TRPC1: variants seen among roughly 807,000 people sequenced by gnomAD.
The protein encoded by TRPC1 is transient receptor potential cation channel subfamily C member 1.
TRPC1 carries 42 observed loss-of-function variants against 88.2 expected under a neutral mutation model. The observed-to-expected ratio is 0.48, with a 90% CI of 0.37 to 0.62. The LOEUF (loss-of-function observed/expected upper bound fraction) is 0.62. Among genes scored for constraint, TRPC1 ranks in the 20% least tolerant of loss-of-function variants. The probability of loss-of-function intolerance (pLI) is 0.00; values close to 1 mark genes in which losing one functional copy is unlikely to be tolerated. For missense variants in TRPC1, 699 were observed against 957.3 expected (o/e 0.73, Z 3.56); for synonymous variants, 288 against 331.8 (o/e 0.87, Z 1.43).
intron 2 of TRPC1, 109 bp downstream of exon 2, chr3:142,736,642 T>G (rs1295711480): frequency 3.0e-6 from 3 of 1,014,122 alleles, no homozygotes; most frequent in Admixed American, 5.7e-5. Flanking sequence ...TCTTCCTTTC[T>G]TTTTCTTTCT....
chr3:142,781,641 A>G (rs1015982216), intron 6 of TRPC1, among the ~76,000 whole-genome samples: 1 of 152,220 alleles, frequency 6.6e-6, no homozygotes, highest in East Asian at 1.9e-4. Context: ...CTCCCCATGC[A>G]TACATATACA....
chr3:142,734,966 G>A (rs778162776), intron 1 of TRPC1, among the ~76,000 whole-genome samples: 148 of 152,256 alleles, frequency 9.7e-4, no homozygotes, highest in Non-Finnish European at 1.7e-3. Context: ...CAGTAATAGC[G>A]ATAAATTTTC....
At chr3:142,774,399 G>C (rs1440806902) in intron 4 of TRPC1, among the ~76,000 whole-genome samples, 1 of 152,182 alleles carries the variant, frequency 6.6e-6, no homozygotes, top group Non-Finnish European at 1.5e-5. Flanking sequence ...TGCAACCTCA[G>C]TCTTGCAAAA....
intron 1 of TRPC1, among the ~76,000 whole-genome samples, chr3:142,731,374 ATTTTTTTTTTTTTTTTTT>A (rs59613066): frequency 1.3e-5 from 1 of 79,524 alleles, no homozygotes; most frequent in African/African-American, 5.1e-5. Flanking sequence ...ATATGTTTTG[ATTTTTTTTTTTTTTTTTT>A]TTTTTTTTTT....
At chr3:142,775,551 G>A (rs974011684) in intron 4 of TRPC1, among the ~76,000 whole-genome samples, 2 of 152,098 alleles carry the variant, frequency 1.3e-5, no homozygotes, top group Admixed American at 6.5e-5. Flanking sequence ...CCCAGGAGGC[G>A]GAGGCTGCAG....
At position 142,806,139 on chromosome 3, in the gene TRPC1, C is replaced by G. The variant is rs200832557; in HGVS notation, c.2286C>G (p.Asn762Lys). The G allele has an allele frequency of 3.1e-6, 5 of 1,613,740 alleles. No individual in the cohort carries two copies. In the Admixed American group the frequency reaches 8.3e-5, roughly 27 times the overall value. Residue 762 changes from asparagine (N) to lysine (K), a missense_variant, in exon 13 of 13, where the codon AAC becomes AAG. Physicochemically the swap from Asn to Lys is moderately conservative, Grantham distance 94. This residue lies in a region of TRPC1 where 105 missense variants were observed against 141.7 expected (regional missense o/e 0.74). Transcript: ENST00000476941. ...STDQATVENL[N>K]ELRQDLSKFR... ...ATCAGGCAACTGTGGAAAATCTAAACGAACTGCGCCAAGATCTGTCAAAAT... is the reference window on the plus strand; with the variant it reads ...ATCAGGCAACTGTGGAAAATCTAAAGGAACTGCGCCAAGATCTGTCAAAAT...
rs1934150238 is a variant in TRPC1 at position 142,736,659 on chromosome 3, C to G, written c.327+126C>G. The G allele has an allele frequency of 4.6e-6, 4 of 876,256 alleles. No individual in the cohort carries two copies. The African/African-American group carries it at 5.2e-5, about 11-fold the overall frequency. 54.3% of individuals were successfully genotyped at this position (876,256 alleles called of 1,614,324 possible). ...TTCCTTTCTTTTTCTTTCTTTGTCT[C>G]TCTTACTCTCCTTCTGTCTTTCATC... On this transcript the variant is annotated intron_variant, in intron 2 of 12. Coordinates refer to ENST00000476941, the MANE Select transcript of TRPC1 (RefSeq NM_001251845.2).
At chr3:142,733,117 G>C (rs60464584) in intron 1 of TRPC1, among the ~76,000 whole-genome samples, 40 of 144,210 alleles carry the variant, frequency 2.8e-4, no homozygotes, top group African/African-American at 7.7e-4. Flanking sequence ...TAGCAGGGTG[G>C]AACCTTTTAT....
intron 3 of TRPC1, among the ~76,000 whole-genome samples, chr3:142,746,730 T>C (rs1299624759): frequency 6.6e-6 from 1 of 152,158 alleles, no homozygotes; most frequent in Non-Finnish European, 1.5e-5. Flanking sequence ...TAATATAAAC[T>C]ATTAAAAGGA....
Position 142,736,347 on chromosome 3 carries a change from A to C in TRPC1, c.173-32A>C, listed in dbSNP as rs777177345. On this transcript the variant is annotated intron_variant, in intron 1 of 12. Transcript: ENST00000476941. ...GTCATCCTTACTTGATATGTCACGG[A>C]TATTAAATTATGTTTGTATATTGTT... 4 of 1,499,640 alleles carry C rather than the reference A, an allele frequency of 2.7e-6. No individual in the cohort carries two copies. In the South Asian group the frequency reaches 4.1e-5, roughly 15 times the overall value. The allele number at this position is 1,499,640 out of a possible 1,614,324, so 92.9% of individuals were successfully genotyped here.
intron 4 of TRPC1, among the ~76,000 whole-genome samples, chr3:142,772,522 G>A (rs1426103495): frequency 3.9e-5 from 6 of 152,248 alleles, no homozygotes; most frequent in South Asian, 2.1e-4. Context: ...GTGGCTGGGC[G>A]CCGTGGCTCA....
At chr3:142,747,990 T>G (rs965391856) in intron 3 of TRPC1, among the ~76,000 whole-genome samples, 2 of 152,210 alleles carry the variant, frequency 1.3e-5, no homozygotes, top group Non-Finnish European at 2.9e-5. Context: ...CTAGATATTC[T>G]CACTTCTTTG....
At chr3:142,725,564 C>T (rs1315447414) in intron 1 of TRPC1, among the ~76,000 whole-genome samples, 1 of 152,132 alleles carries the variant, frequency 6.6e-6, no homozygotes, top group Non-Finnish European at 1.5e-5. Context: ...ACGCAATCAT[C>T]CTTTGTAGTG....
Position 142,792,798 on chromosome 3 carries a change from CT to C in TRPC1, c.1438-23del, listed in dbSNP as rs1389328937. On this transcript the variant is annotated intron_variant, in intron 8 of 12. Transcript: ENST00000476941. The surrounding 1 kb of genome is among the most constrained non-coding windows in gnomAD (Gnocchi z 4.0). The stretch of plus-strand genomic sequence containing the variant: ...TCCTAAATTGAGAGAGCTTATTTAC[CT>C]TTGGCTTTTTCTTCCTAACCTTAGT... 1.3e-6 allele frequency: 2 copies of C among 1,531,026 alleles called. No homozygotes were observed. The highest frequency in any genetic ancestry group is 2.6e-5 in the South Asian group (2 of 76,566). 94.8% of individuals were successfully genotyped at this position (1,531,026 alleles called of 1,614,324 possible). A position where few individuals can be genotyped will look rare whatever the true frequency, so the allele number is the denominator to read the frequency against.
At chr3:142,731,147 G>A (rs964073210) in intron 1 of TRPC1, among the ~76,000 whole-genome samples, 1 of 152,038 alleles carries the variant, frequency 6.6e-6, no homozygotes, top group Non-Finnish European at 1.5e-5. Context: ...TTGCTGGTTA[G>A]GACTCACTAA....
At chr3:142,801,444 C>G (rs1402410660) in intron 9 of TRPC1, among the ~76,000 whole-genome samples, 2 of 151,986 alleles carry the variant, frequency 1.3e-5, no homozygotes, top group African/African-American at 2.4e-5. Context: ...AAAGTACTAT[C>G]ACATTATTCC....
At chr3:142,760,528 T>C (rs1198498584) in intron 4 of TRPC1, among the ~76,000 whole-genome samples, 1 of 152,182 alleles carries the variant, frequency 6.6e-6, no homozygotes, top group African/African-American at 2.4e-5. Context: ...GCTTCCAGCT[T>C]TGTTCTTTTT....
chr3:142,724,516 G>C lies in TRPC1; in HGVS notation c.-44G>C, dbSNP rs1933575684. 2.7e-6 allele frequency: 4 copies of C among 1,474,680 alleles called. No individual in the cohort carries two copies. The highest frequency in any genetic ancestry group is 2.7e-6 in the Non-Finnish European group (3 of 1,119,362). 91.3% of individuals were successfully genotyped at this position (1,474,680 alleles called of 1,614,324 possible). ...TCGGGGTCGGGGTCGGGGCCGGTGGGGGCCCCGCCCCCGTCTCCTGGCCTG... is the reference window on the plus strand; with the variant it reads ...TCGGGGTCGGGGTCGGGGCCGGTGGCGGCCCCGCCCCCGTCTCCTGGCCTG... On this transcript the variant is annotated 5_prime_UTR_variant, in exon 1 of 13. Coordinates refer to ENST00000476941, the MANE Select transcript of TRPC1 (RefSeq NM_001251845.2). This position sits in a 1 kb window ranked among gnomAD's most constrained non-coding sequence, Gnocchi z 5.6.
chr3:142,741,748 T>G (rs1274553974), intron 2 of TRPC1, among the ~76,000 whole-genome samples: 3 of 152,228 alleles, frequency 2.0e-5, no homozygotes, highest in Non-Finnish European at 2.9e-5. Context: ...ATGGAGTTTC[T>G]TTGTGACAGC....
Sources: gnomAD v4.1 joint callset for allele counts (sites outside exome capture counted in the v4.1 genomes callset) on GRCh38, gnomAD v4.1.1 for gene constraint, gnomAD v4.1.1 regional missense constraint, Gnocchi (gnomAD v3.1) non-coding constraint, MANE v1.5 for transcripts, NCBI Gene and HGNC (gene_info 2026-07-23, HGNC 2026-07-21) for gene names.